Variants in NLRC5 observed in about 807,000 individuals in gnomAD.
The protein encoded by NLRC5 is protein NLRC5.
Under a neutral mutation model 206.9 loss-of-function variants are expected in NLRC5, and 114 were observed. The observed-to-expected ratio is 0.55, with a 90% CI of 0.47 to 0.64. The LOEUF is 0.64. Among genes scored for constraint, NLRC5 ranks in the 30% least tolerant of loss-of-function variants. NLRC5 has a pLI of 0.00. For missense variants in NLRC5, 2,008 were observed against 2,305.5 expected (o/e 0.87, Z 2.64); for synonymous variants, 952 against 962.8 (o/e 0.99, Z 0.21).
In NLRC5 at chr16:57,003,047, G is replaced by GTGTTTGTT. The variant is rs141689188; in HGVS notation, c.-128+13453_-128+13460dup. Among the ~76,000 whole-genome samples, 1,422 of 150,146 alleles carry GTGTTTGTT rather than the reference G, an allele frequency of 9.5e-3. 5 individuals carry two copies. The highest frequency in any genetic ancestry group is 0.02 in the African/African-American group (831 of 40,886). On this transcript the variant is annotated intron_variant, in intron 1 of 48. Transcript: ENST00000688547. ...CTCCCTTTTCTCCACATAGATTGAGGTGTTTGTTTGTTTGTTTGTTTGTTT... is the reference window on the plus strand; with the variant it reads ...CTCCCTTTTCTCCACATAGATTGAGGTGTTTGTTTGTTTGTTTGTTTGTTTGTTTGTTT...
In NLRC5 at chr16:57,026,170, C is replaced by T; in HGVS notation, c.1227C>T (p.Cys409=). ...LRSLCAVPAL[C]QVACLCLHHL... is the part of the protein sequence containing the mutation. Reference sequence around the variant, plus strand: ...GCCTGTGTGCGGTGCCCGCACTGTGCCAAGTCGCCTGTCTCTGCCTCCACC... The same window carrying T: ...GCCTGTGTGCGGTGCCCGCACTGTGTCAAGTCGCCTGTCTCTGCCTCCACC... Residue 409 remains cysteine (C), a synonymous_variant, in exon 6 of 49, where the codon TGC becomes TGT. Coordinates refer to ENST00000688547, the MANE Select transcript of NLRC5 (RefSeq NM_001384950.1). 1.2e-6 allele frequency: 2 copies of T among 1,613,840 alleles called. No homozygotes were observed. The highest frequency in any genetic ancestry group is 1.1e-5 in the South Asian group (1 of 91,086).
intron 1 of NLRC5, among the ~76,000 whole-genome samples, chr16:57,003,047 G>GTT (rs1567508406): frequency 1.8e-4 from 27 of 150,152 alleles, no homozygotes; most frequent in South Asian, 1.3e-3. Context: ...ATAGATTGAG[G>GTT]TGTTTGTTTG....
chr16:57,055,724 G>A (rs2065570295), intron 27 of NLRC5, among the ~76,000 whole-genome samples: 2 of 152,200 alleles, frequency 1.3e-5, no homozygotes, highest in Admixed American at 1.3e-4. Flanking sequence ...TCGCCATGGT[G>A]GAGCTAGTTC....
rs142333493 is a variant in NLRC5, at chr16:57,033,629, G to A, written c.2503G>A (p.Gly835Ser). 1.2e-3 allele frequency: 1,955 copies of A among 1,614,094 alleles called. 3 individuals are homozygous for A. The highest frequency in any genetic ancestry group is 1.5e-3 in the Non-Finnish European group (1,752 of 1,180,008). ...QRAPDLQESD[G>S]QRKGAQSRSL... ...AGCTCCAGACCTGCAGGAAAGTGAC[G>A]GCCAGAGGAAAGGGGCTCAGAGCAG... Residue 835 changes from glycine to serine, a missense_variant, in exon 12 of 49, where the codon GGC becomes AGC. Physicochemically the swap from Gly to Ser is moderately conservative, Grantham distance 56 (BLOSUM62 0). Transcript: ENST00000688547.
At chr16:57,047,464 G>T in intron 22 of NLRC5, 81 bp from the exon 23 acceptor site, 1 of 1,239,484 alleles carries the variant, frequency 8.1e-7, no homozygotes, top group Non-Finnish European at 1.2e-6. Context: ...AGGGATGCTG[G>T]GAGAAGGATA....
At chr16:57,051,021 T>A (rs2064827027) in intron 23 of NLRC5, among the ~76,000 whole-genome samples, 1 of 151,786 alleles carries the variant, frequency 6.6e-6, no homozygotes, top group South Asian at 2.1e-4. Flanking sequence ...CCTGGCTAAT[T>A]TTTTTTTCGT....
Position 57,081,086 on chromosome 16 carries a change from C to A in NLRC5, c.5322-12C>A. 1 of 1,548,286 alleles carries A rather than the reference C, an allele frequency of 6.5e-7. No homozygotes were observed. On this transcript the variant is annotated splice_polypyrimidine_tract_variant and intron_variant, in intron 46 of 48. Transcript: ENST00000688547. ...CTCTCCTGCCGCTGACTTTGGGACC[C>A]CTACCCTGCAGGCTGTCCTGGAATC...
intron 1 of NLRC5, among the ~76,000 whole-genome samples, chr16:57,005,174 C>G (rs908588126): frequency 2.6e-5 from 4 of 152,208 alleles, no homozygotes; most frequent in Non-Finnish European, 4.4e-5. Context: ...TTTATTTTCT[C>G]TGTTCCGTTT....
At chr16:57,064,305 T>C (rs2066861512) in intron 32 of NLRC5, among the ~76,000 whole-genome samples, 1 of 152,178 alleles carries the variant, frequency 6.6e-6, no homozygotes, top group South Asian at 2.1e-4. Context: ...AGCATAACTT[T>C]AAAGCAGTAA....
chr16:57,020,666 C>T (rs920437249), intron 2 of NLRC5, 35 bp from the exon 3 acceptor site: 5 of 1,490,560 alleles, frequency 3.4e-6, no homozygotes, highest in South Asian at 1.2e-5. Context: ...GTTTACCTGT[C>T]CCCCTCAACT....
At chr16:57,076,570 C>T (rs2068428987) in intron 39 of NLRC5, among the ~76,000 whole-genome samples, 1 of 152,246 alleles carries the variant, frequency 6.6e-6, no homozygotes, top group Non-Finnish European at 1.5e-5. Flanking sequence ...TCCACCCAGC[C>T]TGCAAGTCCC....
At chr16:57,001,034 G>A (rs2142294809) in intron 1 of NLRC5, among the ~76,000 whole-genome samples, 1 of 152,338 alleles carries the variant, frequency 6.6e-6, no homozygotes, top group South Asian at 2.1e-4. Flanking sequence ...CTGCCACCCT[G>A]TGCATCCAGG....
chr16:57,045,848 T>C (rs1201919398), intron 21 of NLRC5, among the ~76,000 whole-genome samples: 2 of 152,238 alleles, frequency 1.3e-5, no homozygotes, highest in Non-Finnish European at 2.9e-5. Flanking sequence ...CACCGCTCCA[T>C]ACATGTCACT....
At chr16:57,063,903 T>A (rs1177822144) in intron 32 of NLRC5, among the ~76,000 whole-genome samples, 3 of 151,816 alleles carry the variant, frequency 2.0e-5, no homozygotes, top group African/African-American at 7.3e-5. Flanking sequence ...CACGCCTGAC[T>A]AATGTTTTGT....
intron 36 of NLRC5, 100 bp downstream of exon 36, chr16:57,067,928 T>C (rs2067240474): frequency 2.2e-6 from 2 of 922,512 alleles, no homozygotes. Flanking sequence ...TCTTACTCTG[T>C]GTCTTACTCT....
At chr16:57,060,938 C>T (rs1277734127) in intron 30 of NLRC5, among the ~76,000 whole-genome samples, 1 of 152,094 alleles carries the variant, frequency 6.6e-6, no homozygotes, top group East Asian at 1.9e-4. Context: ...GACAGCAGAG[C>T]CCCACGGAGA....
chr16:57,065,729 T>A (rs1464174596), intron 33 of NLRC5, among the ~76,000 whole-genome samples: 1 of 152,244 alleles, frequency 6.6e-6, no homozygotes, highest in Non-Finnish European at 1.5e-5. Flanking sequence ...TGGAGCCCAT[T>A]ACTGTGTCTC....
At chr16:57,058,948 T>C in intron 28 of NLRC5, 24 bp from the exon 29 acceptor site, 2 of 1,606,652 alleles carry the variant, frequency 1.2e-6, no homozygotes, top group Non-Finnish European at 1.7e-6. Flanking sequence ...CTCACTCCCA[T>C]TCTCATCTCC....
At chr16:57,076,519 A>T (rs1209473385) in intron 39 of NLRC5, among the ~76,000 whole-genome samples, 1 of 152,244 alleles carries the variant, frequency 6.6e-6, no homozygotes, top group Non-Finnish European at 1.5e-5. Context: ...TTGGCAAAGA[A>T]ATGTAGAGAC....
Sources: gnomAD v4.1 joint callset for allele counts (sites outside exome capture counted in the v4.1 genomes callset) on GRCh38, gnomAD v4.1.1 for gene constraint, MANE v1.5 for transcripts, NCBI Gene and HGNC (gene_info 2026-07-23, HGNC 2026-07-21) for gene names.